The following PARD6B variants were observed in gnomAD, a reference collection of about 807,000 sequenced individuals.
The protein encoded by PARD6B is par-6 family cell polarity regulator beta.
PARD6B carries 4 observed loss-of-function variants against 10.5 expected under a neutral mutation model. That is an observed-to-expected ratio of 0.38 (90% CI 0.19 to 0.87). The LOEUF (loss-of-function observed/expected upper bound fraction) is 0.87. PARD6B is among the 40% of genes least tolerant of loss of function. The pLI is 0.41. For synonymous variants in PARD6B, 169 were observed against 170.4 expected, an observed-to-expected ratio of 0.99 and a Z score of 0.07; for missense variants, 396 against 470.6, an observed-to-expected ratio of 0.84 and a Z score of 1.47.
At chr20:50,743,101 T>C (rs1363064034) in intron 2 of PARD6B, among the ~76,000 whole-genome samples, 1 of 152,194 alleles carries the variant, frequency 6.6e-6, no homozygotes, top group Admixed American at 6.5e-5. Context: ...AAAAAATATT[T>C]AAAGCTTGCG....
chr20:50,747,485 C>CTTTTTTTTTTTT (rs2087574374), intron 2 of PARD6B, among the ~76,000 whole-genome samples: 5 of 35,932 alleles, frequency 1.4e-4, no homozygotes, highest in African/African-American at 5.2e-4. Flanking sequence ...TTTTTTCTTT[C>CTTTTTTTTTTTT]TTTCTTTTTT....
chr20:50,731,736 C>T lies in PARD6B; in HGVS notation c.-51C>T. On this transcript the variant is annotated 5_prime_UTR_variant, in exon 1 of 3. Transcript: ENST00000371610. ...CAGTCGCGCACTCGCTCCCCGCGCT[C>T]CTGAGGGGCCGCCCGGCCGGAGGAG... 7.0e-7 allele frequency: 1 copy of T among 1,419,272 alleles called. No homozygotes were observed. The highest frequency in any genetic ancestry group is 1.4e-5 in the South Asian group (1 of 69,452). The allele number at this position is 1,419,272 out of a possible 1,614,324, so 87.9% of individuals were successfully genotyped here.
At position 50,750,191 on chromosome 20, in the gene PARD6B, T is replaced by C; in HGVS notation, c.822T>C (p.Leu274=). The C allele has an allele frequency of 6.2e-7, 1 of 1,614,218 alleles. No homozygotes were observed. The highest frequency in any genetic ancestry group is 8.5e-7 in the Non-Finnish European group (1 of 1,180,046). The part of the protein sequence containing the change: ...SSGQSTDNSL[L]GYPQQIEPSF... Reference sequence around the variant, plus strand: ...GTCAGTCTACTGATAACAGCCTTCTTGGCTACCCACAGCAGATTGAACCAA... The same window carrying C: ...GTCAGTCTACTGATAACAGCCTTCTCGGCTACCCACAGCAGATTGAACCAA... The change falls in exon 3 of 3, where the codon CTT becomes CTC. Residue 274 remains leucine, a synonymous_variant. Coordinates refer to ENST00000371610, the MANE Select transcript of PARD6B (RefSeq NM_032521.3).
chr20:50,741,462 G>A (rs2087530015), intron 2 of PARD6B, among the ~76,000 whole-genome samples: 1 of 152,096 alleles, frequency 6.6e-6, no homozygotes, highest in South Asian at 2.1e-4. Flanking sequence ...TCTTATTTAA[G>A]AATATGTTAA....
At chr20:50,738,635 C>T (rs1007353683) in intron 2 of PARD6B, among the ~76,000 whole-genome samples, 7 of 152,102 alleles carry the variant, frequency 4.6e-5, no homozygotes, top group Admixed American at 1.3e-4. Context: ...ATAGTAAGCA[C>T]CCAGTAAATA....
intron 1 of PARD6B, among the ~76,000 whole-genome samples, chr20:50,734,378 GCT>G (rs1197301279): frequency 6.6e-6 from 1 of 151,524 alleles, no homozygotes; most frequent in Non-Finnish European, 1.5e-5. Flanking sequence ...ACAGGATCTT[GCT>G]CTGTCACCCG....
chr20:50,752,388 T>A lies in PARD6B; in HGVS notation c.*1900T>A. ...GGATTTCTAGAAACACTGCCTACAC[T>A]TTATGAAAACTACATAGTATTCACC... On this transcript the variant is annotated 3_prime_UTR_variant, in exon 3 of 3. Transcript: ENST00000371610. 1.0e-6 allele frequency: 1 copy of A among 985,842 alleles called. No individual in the cohort carries two copies. The highest frequency in any genetic ancestry group is 1.2e-6 in the Non-Finnish European group (1 of 829,928). 61.1% of individuals were successfully genotyped at this position (985,842 alleles called of 1,614,324 possible).
At chr20:50,740,175 G>A (rs1016324629) in intron 2 of PARD6B, among the ~76,000 whole-genome samples, 2 of 152,200 alleles carry the variant, frequency 1.3e-5, no homozygotes, top group Non-Finnish European at 2.9e-5. Flanking sequence ...AAAAGTGATA[G>A]TTAAAATTTT....
chr20:50,746,800 T>C (rs1435721844), intron 2 of PARD6B, among the ~76,000 whole-genome samples: 1 of 152,244 alleles, frequency 6.6e-6, no homozygotes, highest in Non-Finnish European at 1.5e-5. Flanking sequence ...GTAATACTGT[T>C]CTCAGTTTAT....
At chr20:50,748,212 G>A (rs73276525) in intron 2 of PARD6B, among the ~76,000 whole-genome samples, 89 of 152,292 alleles carry the variant, frequency 5.8e-4, no homozygotes, top group African/African-American at 2.1e-3. Flanking sequence ...GCATAGTGGC[G>A]CATGCCTGTA....
rs1018892608 is a variant in PARD6B at position 50,753,670 on chromosome 20, G to A, written c.*3182G>A. 4 of 756,144 alleles carry A rather than the reference G, an allele frequency of 5.3e-6. No individual in the cohort carries two copies. Among genetic ancestry groups the A allele is most frequent in the South Asian group, 6.1e-5 (1 of 16,490 alleles). 46.8% of individuals were successfully genotyped at this position (756,144 alleles called of 1,614,324 possible). ...TGTACATTATCACTAAATGAACTTC[G>A]ATTTTAAAAATCAAATTAGCTTTAG... On this transcript the variant is annotated 3_prime_UTR_variant, in exon 3 of 3. Coordinates refer to ENST00000371610, the MANE Select transcript of PARD6B (RefSeq NM_032521.3).
At chr20:50,733,616 C>G (rs1156684942) in intron 1 of PARD6B, among the ~76,000 whole-genome samples, 1 of 152,174 alleles carries the variant, frequency 6.6e-6, no homozygotes, top group Non-Finnish European at 1.5e-5. Context: ...ACCCAAAATA[C>G]ATAGCAGAAC....
chr20:50,741,395 A>T (rs2087529556), intron 2 of PARD6B, among the ~76,000 whole-genome samples: 1 of 152,022 alleles, frequency 6.6e-6, no homozygotes, highest in Non-Finnish European at 1.5e-5. Flanking sequence ...GACTACCCTA[A>T]CTAAAGCCCT....
At chr20:50,734,042 A>G (rs2087486268) in intron 1 of PARD6B, among the ~76,000 whole-genome samples, 1 of 152,198 alleles carries the variant, frequency 6.6e-6, no homozygotes, top group East Asian at 1.9e-4. Flanking sequence ...GTGTCTTTTA[A>G]ATAGAATCAT....
In PARD6B at chr20:50,750,953, GATT is replaced by G; in HGVS notation, c.*466_*468del. The G allele has an allele frequency of 1.8e-4, 38 of 211,030 alleles. No homozygotes were observed. The highest frequency in any genetic ancestry group is 3.4e-4 in the South Asian group (1 of 2,970). The allele number at this position is 211,030 out of a possible 1,614,324, so 13.1% of individuals were successfully genotyped here. ...TCTCATGTTCCCAATATTTTATTTT[GATT>G]TTTTTTTTTTTTTTTTTTTTTTTTT... is the stretch of plus-strand genomic sequence containing the variant. On this transcript the variant is annotated 3_prime_UTR_variant, in exon 3 of 3. Transcript: ENST00000371610.
At chr20:50,747,481 C>CTTTTTTTT (rs2087574254) in intron 2 of PARD6B, among the ~76,000 whole-genome samples, 1 of 42,112 alleles carries the variant, frequency 2.4e-5, no homozygotes, top group Non-Finnish European at 4.8e-5. Context: ...TTCTTTTTTT[C>CTTTTTTTT]TTTCTTTCTT....
chr20:50,747,493 T>C (rs1302073655), intron 2 of PARD6B, among the ~76,000 whole-genome samples: 55 of 142,148 alleles, frequency 3.9e-4, no homozygotes, highest in South Asian at 6.8e-4. Context: ...TTCTTTCTTT[T>C]TTTTTTTTTT....
At chr20:50,736,602 A>T (rs1194230400) in intron 1 of PARD6B, among the ~76,000 whole-genome samples, 1 of 151,918 alleles carries the variant, frequency 6.6e-6, no homozygotes, top group African/African-American at 2.4e-5. Context: ...AACTTTTCTT[A>T]GGTTTCCACG....
Position 50,752,891 on chromosome 20 carries a change from G to T in PARD6B, c.*2403G>T. The T allele has an allele frequency of 1.0e-6, 1 of 982,458 alleles. No individual in the cohort carries two copies. The highest frequency in any genetic ancestry group is 1.2e-6 in the Non-Finnish European group (1 of 826,944). 60.9% of individuals were successfully genotyped at this position (982,458 alleles called of 1,614,324 possible). On this transcript the variant is annotated 3_prime_UTR_variant, in exon 3 of 3. Transcript: ENST00000371610. ...CGTTGTACTTTTTGTTGAATTCACC[G>T]AAGTTCTTCCATTTATATGCTATTT...
Sources: allele counts gnomAD v4.1 joint callset (sites outside exome capture counted in the v4.1 genomes callset), GRCh38; gene constraint gnomAD v4.1.1; transcripts MANE v1.5; gene names NCBI Gene and HGNC (gene_info 2026-07-23, HGNC 2026-07-21).